The following REDIC1 variants were observed in gnomAD, a reference collection of about 807,000 sequenced individuals.
REDIC1 encodes regulator of DNA class I crossover intermediates 1.
At chr12:39,708,229 A>G in the REDIC1 span, among the ~76,000 whole-genome samples, 19 of 151,936 alleles carry the variant, frequency 1.3e-4, no homozygotes, top group African/African-American at 4.6e-4. Flanking sequence ...TTTTCATGTG[A>G]TTATTATACA....
chr12:39,713,015 GTGTATATACGTGTATATGTATATATACA>G, the REDIC1 span, among the ~76,000 whole-genome samples: 4 of 137,174 alleles, frequency 2.9e-5, no homozygotes, highest in African/African-American at 8.7e-5. Flanking sequence ...ATATATACAT[GTGTATATACGTGTATATGTATATATACA>G]TGTGTATATA....
the REDIC1 span, among the ~76,000 whole-genome samples, chr12:39,749,249 T>C: frequency 6.6e-6 from 1 of 151,948 alleles, no homozygotes. Flanking sequence ...TCACCACCGA[T>C]CCCACAGAAA....
the REDIC1 span, among the ~76,000 whole-genome samples, chr12:39,693,986 C>T: frequency 6.6e-6 from 1 of 152,180 alleles, no homozygotes; most frequent in Admixed American, 6.5e-5. Context: ...AGGAATTTTT[C>T]TGAATCTCAC....
the REDIC1 span, among the ~76,000 whole-genome samples, chr12:39,883,303 C>T: frequency 6.6e-6 from 1 of 152,170 alleles, no homozygotes; most frequent in Admixed American, 6.5e-5. Context: ...CCATCACTCT[C>T]CTGATTCAGC....
chr12:39,647,868 C>G, the REDIC1 span: 155 of 1,608,200 alleles, frequency 9.6e-5, no homozygotes, highest in Non-Finnish European at 1.3e-4. Context: ...ACTCCATCAT[C>G]TTTTTCAGTG....
the REDIC1 span, among the ~76,000 whole-genome samples, chr12:39,891,167 T>C: frequency 6.7e-6 from 1 of 150,050 alleles, no homozygotes; most frequent in Non-Finnish European, 1.5e-5. Context: ...AGGATGCTTG[T>C]CCTCTGGGAA....
chr12:39,728,780 CTTTT>C, the REDIC1 span, among the ~76,000 whole-genome samples: 1 of 92,188 alleles, frequency 1.1e-5, no homozygotes, highest in Non-Finnish European at 2.0e-5. Context: ...TGGTCCTGGG[CTTTT>C]TTTTTTTTTT....
chr12:39,775,891 C>G, the REDIC1 span, among the ~76,000 whole-genome samples: 4 of 152,216 alleles, frequency 2.6e-5, no homozygotes, highest in East Asian at 7.7e-4. Context: ...ACTGGTTGAG[C>G]ACCCCTAATC....
At chr12:39,750,396 T>C in the REDIC1 span, among the ~76,000 whole-genome samples, 21 of 152,214 alleles carry the variant, frequency 1.4e-4, no homozygotes, top group Admixed American at 6.5e-4. Context: ...AAACCACTGC[T>C]CAATGAAACA....
chr12:39,777,866 T>C, the REDIC1 span, among the ~76,000 whole-genome samples: 1 of 152,202 alleles, frequency 6.6e-6, no homozygotes, highest in African/African-American at 2.4e-5. Context: ...ACGTGTGATC[T>C]GATTCTTCTG....
At chr12:39,693,174 G>C in the REDIC1 span, among the ~76,000 whole-genome samples, 3 of 152,084 alleles carry the variant, frequency 2.0e-5, no homozygotes, top group East Asian at 3.9e-4. Context: ...CTGCTTGTAG[G>C]CTTGTGTGTA....
At chr12:39,707,779 A>T in the REDIC1 span, among the ~76,000 whole-genome samples, 3 of 151,850 alleles carry the variant, frequency 2.0e-5, no homozygotes, top group Non-Finnish European at 4.4e-5. Flanking sequence ...ATTCTTGATT[A>T]CTTTTTCATA....
At chr12:39,661,266 C>A in the REDIC1 span, among the ~76,000 whole-genome samples, 1 of 152,118 alleles carries the variant, frequency 6.6e-6, no homozygotes, top group African/African-American at 2.4e-5. Context: ...AATTTACATT[C>A]TCACCAACAG....
the REDIC1 span, among the ~76,000 whole-genome samples, chr12:39,896,436 A>G: frequency 5.5e-5 from 8 of 144,374 alleles, no homozygotes; most frequent in African/African-American, 1.8e-4. Context: ...ATATATGTAT[A>G]CATATATGTA....
the REDIC1 span, among the ~76,000 whole-genome samples, chr12:39,667,999 A>G: frequency 6.6e-6 from 1 of 152,120 alleles, no homozygotes; most frequent in Non-Finnish European, 1.5e-5. Context: ...CAGCACACTG[A>G]TGGGTCTTAA....
the REDIC1 span, among the ~76,000 whole-genome samples, chr12:39,832,269 TG>T: frequency 4.6e-5 from 7 of 152,290 alleles, no homozygotes; most frequent in African/African-American, 1.7e-4. Context: ...ACTAGTATTT[TG>T]TTTTGTATTC....
chr12:39,671,426 T>C, the REDIC1 span, among the ~76,000 whole-genome samples: 1 of 152,164 alleles, frequency 6.6e-6, no homozygotes, highest in African/African-American at 2.4e-5. Flanking sequence ...AATTGCATGC[T>C]GAGTGTGCCT....
At chr12:39,725,160 T>G in the REDIC1 span, among the ~76,000 whole-genome samples, 79 of 152,204 alleles carry the variant, frequency 5.2e-4, no homozygotes, top group African/African-American at 1.9e-3. Flanking sequence ...AGCTACAGTG[T>G]CATATGACTT....
chr12:39,812,974 C>T, the REDIC1 span, among the ~76,000 whole-genome samples: 112,292 of 138,130 alleles, frequency 0.81, 45,736 homozygotes, highest in Non-Finnish European at 0.85. Context: ...GGATTACAGG[C>T]GCCTGACATC....
Sources: gnomAD v4.1 joint callset for allele counts (sites outside exome capture counted in the v4.1 genomes callset) on GRCh38, gnomAD v4.1.1 for gene constraint, MANE v1.5 for transcripts, NCBI Gene and HGNC (gene_info 2026-07-23, HGNC 2026-07-21) for gene names.